HMCN2: variants seen among roughly 807,000 people sequenced by gnomAD.
HMCN2 encodes the protein hemicentin 2.
In HMCN2, 325 loss-of-function variants were observed where a neutral mutation model predicts 377.5. The ratio of observed to expected loss-of-function variants is 0.86; its 90% confidence interval spans 0.79 to 0.94. The LOEUF (loss-of-function observed/expected upper bound fraction) is 0.94, where lower values mean the gene tolerates loss of function less well. Among genes scored for constraint, HMCN2 ranks in the 40% least tolerant of loss-of-function variants. The pLI, the probability that HMCN2 is intolerant of heterozygous loss-of-function variation, is 0.00. For synonymous variants in HMCN2, 2,007 were observed against 2,046.8 expected, an observed-to-expected ratio of 0.98 and a Z score of 0.53; for missense variants, 4,543 against 4,725.3, an observed-to-expected ratio of 0.96 and a Z score of 1.13.
Position 130,414,972 on chromosome 9 carries a change from C to T in HMCN2, c.12962-3800C>T, listed in dbSNP as rs1197389313. Among the ~76,000 whole-genome samples, 5 of 152,072 alleles carry T rather than the reference C, an allele frequency of 3.3e-5. No homozygotes were observed. The South Asian group carries it at 1.0e-3, about 32-fold the overall frequency. Reference sequence around the variant, plus strand: ...TGGGAAGCCCCTCGCCTACACAGGCCGAGTGGGGAGCAATAAGCAGTGCCC... The same window carrying T: ...TGGGAAGCCCCTCGCCTACACAGGCTGAGTGGGGAGCAATAAGCAGTGCCC... On this transcript the variant is annotated intron_variant, in intron 85 of 97. Transcript: ENST00000683500. This position sits in a 1 kb window ranked among gnomAD's most constrained non-coding sequence, Gnocchi z 4.4.
Position 130,325,804 on chromosome 9 carries a change from G to A in HMCN2, c.3034-7G>A, listed in dbSNP as rs1454627912. On this transcript the variant is annotated splice_polypyrimidine_tract_variant and splice_region_variant and intron_variant, in intron 20 of 97. Transcript: ENST00000683500. ...CTTCGCCGATGTCACCTGTGCCTCT[G>A]CCCTAGGAAACCAATGCCCTGACCT... 1 of 152,302 alleles carries A rather than the reference G, an allele frequency of 6.6e-6. No homozygotes were observed. Among genetic ancestry groups the A allele is most frequent in the Non-Finnish European group, 1.5e-5 (1 of 68,104 alleles). 9.4% of individuals were successfully genotyped at this position (152,302 alleles called of 1,614,324 possible).
rs142527642 is a variant in HMCN2, at chr9:130,297,412, G to A, written c.1012+618G>A. On this transcript the variant is annotated intron_variant, in intron 7 of 97. Transcript: ENST00000683500. ...TATGGTTCTGCTGGGAGAAGCCTGG[G>A]CACCGAGGCAGGTTTCTGGTGCGGG... is the stretch of plus-strand genomic sequence containing the variant. Among the ~76,000 whole-genome samples, 87 of 152,340 alleles carry A rather than the reference G, an allele frequency of 5.7e-4. 1 individual carries two copies. Among genetic ancestry groups the A allele is most frequent in the African/African-American group, 1.9e-3 (80 of 41,588 alleles).
At position 130,424,852 on chromosome 9, in the gene HMCN2, G is replaced by C; in HGVS notation, c.13458G>C (p.Leu4486=). 1 of 1,489,676 alleles carries C rather than the reference G, an allele frequency of 6.7e-7. No individual in the cohort carries two copies. Among genetic ancestry groups the C allele is most frequent in the African/African-American group, 1.4e-5 (1 of 71,246 alleles). 92.3% of individuals were successfully genotyped at this position (1,489,676 alleles called of 1,614,324 possible). A position where few individuals can be genotyped will look rare whatever the true frequency, so the allele number is the denominator to read the frequency against. The change falls in exon 88 of 98, where the codon CTG becomes CTC. Residue 4486 remains leucine, a synonymous_variant. Transcript: ENST00000683500. ...WALARESGEA[L]NGHSLTGGRF... is the part of the protein sequence containing the mutation. Reference sequence around the variant, plus strand: ...TGGCCAGAGAGAGTGGGGAAGCCCTGAATGGCCACTCTCTGACTGGGGGCA... The same window carrying C: ...TGGCCAGAGAGAGTGGGGAAGCCCTCAATGGCCACTCTCTGACTGGGGGCA...
intron 1 of HMCN2, 121 bp from the exon 2 acceptor site, chr9:130,284,482 G>A (rs555907337): frequency 2.3e-4 from 98 of 424,284 alleles, no homozygotes; most frequent in African/African-American, 1.3e-3. Flanking sequence ...ATCTCTCCCC[G>A]TCTTGTGTGC....
Position 130,398,726 on chromosome 9 carries a change from C to G in HMCN2, c.11483+19C>G. The stretch of plus-strand genomic sequence containing the variant: ...CCTACCGGTAACGAGCTGGACTTTG[C>G]GGTGGCTTCCTGAGACGCACAGGGC... On this transcript the variant is annotated intron_variant, in intron 75 of 97. Transcript: ENST00000683500. 1 of 1,285,884 alleles carries G rather than the reference C, an allele frequency of 7.8e-7. No homozygotes were observed. Among genetic ancestry groups the G allele is most frequent in the South Asian group, 1.2e-5 (1 of 80,666 alleles). The allele number at this position is 1,285,884 out of a possible 1,614,324, so 79.7% of individuals were successfully genotyped here.
chr9:130,426,565 G>A (rs1177794177), intron 90 of HMCN2, among the ~76,000 whole-genome samples: 1 of 152,064 alleles, frequency 6.6e-6, no homozygotes, highest in Non-Finnish European at 1.5e-5. Flanking sequence ...GCAGGGTGTC[G>A]CCGTACAGAT....
intron 22 of HMCN2, among the ~76,000 whole-genome samples, chr9:130,334,738 CTT>C (rs1838634280): frequency 5.0e-4 from 68 of 136,184 alleles, no homozygotes; most frequent in African/African-American, 1.8e-3. Flanking sequence ...CTTTCTCTCT[CTT>C]TCTCTTTCTC....
chr9:130,266,183 C>T (rs1358097216), intron 1 of HMCN2, 46 bp downstream of exon 1: 6 of 435,572 alleles, frequency 1.4e-5, no homozygotes, highest in Non-Finnish European at 2.7e-5. Context: ...CTTCGAGGTG[C>T]TCTCACCTGC....
In HMCN2 at chr9:130,414,261, G is replaced by A. The variant is rs13297323; in HGVS notation, c.12961+3609G>A. ...CCCCGTGTGGCCAGGTGGGCAGCGA[G>A]GGTAGTGCCAGCAGAGGCCCGGTGT... On this transcript the variant is annotated intron_variant, in intron 85 of 97. Transcript: ENST00000683500. The surrounding 1 kb of genome is among the most constrained non-coding windows in gnomAD (Gnocchi z 4.4). Among the ~76,000 whole-genome samples the A allele has an allele frequency of 2.3e-3, 355 of 152,254 alleles. 1 individual carries two copies. The highest frequency in any genetic ancestry group is 4.0e-3 in the Non-Finnish European group (273 of 68,024).
intron 95 of HMCN2, 81 bp from the exon 96 acceptor site, chr9:130,431,286 G>A: frequency 7.2e-7 from 1 of 1,382,022 alleles, no homozygotes; most frequent in Non-Finnish European, 9.9e-7. Flanking sequence ...GCGGGCAGGT[G>A]TGTGGCCACG....
At chr9:130,331,793 A>C (rs1042487868) in intron 22 of HMCN2, among the ~76,000 whole-genome samples, 1 of 151,954 alleles carries the variant, frequency 6.6e-6, no homozygotes, top group Non-Finnish European at 1.5e-5. Context: ...GGCTGTGAGC[A>C]CTCCTGGCTC....
chr9:130,423,414 G>A lies in HMCN2; in HGVS notation c.13381+688G>A, dbSNP rs1457013518. On this transcript the variant is annotated intron_variant, in intron 87 of 97. Transcript: ENST00000683500. The surrounding 1 kb of genome is among the most constrained non-coding windows in gnomAD (Gnocchi z 5.5). ...GTCCCGCATGAGCAGTGTGGGGTCA[G>A]GGGATTTTGCTGGGGAAGTCACTCT... Among the ~76,000 whole-genome samples the A allele has an allele frequency of 6.6e-6, 1 of 152,224 alleles. No individual in the cohort carries two copies. Among genetic ancestry groups the A allele is most frequent in the Admixed American group, 6.5e-5 (1 of 15,286 alleles).
At chr9:130,326,449 A>T (rs1213356496) in intron 21 of HMCN2, among the ~76,000 whole-genome samples, 1 of 152,040 alleles carries the variant, frequency 6.6e-6, no homozygotes, top group Non-Finnish European at 1.5e-5. Flanking sequence ...ATGGGGCGGG[A>T]CCTGTCTCCT....
rs1412338599 is a variant in HMCN2, at chr9:130,266,149, G to A, written c.259+12G>A. The A allele has an allele frequency of 4.6e-5, 21 of 460,910 alleles. No homozygotes were observed. The Admixed American group carries it at 4.7e-4, about 10-fold the overall frequency. 28.6% of individuals were successfully genotyped at this position (460,910 alleles called of 1,614,324 possible). On this transcript the variant is annotated intron_variant, in intron 1 of 97. Transcript: ENST00000683500. ...CTTCCACGACCCAGGTAGCGCCCCCGCACCCCCGCCCGCCGGGCGCCCCCT... is the reference window on the plus strand; with the variant it reads ...CTTCCACGACCCAGGTAGCGCCCCCACACCCCCGCCCGCCGGGCGCCCCCT...
At position 130,391,546 on chromosome 9, in the gene HMCN2, C is replaced by T. The variant is rs912718851; in HGVS notation, c.9924C>T (p.Asp3308=). 2.6e-5 allele frequency: 26 copies of T among 987,440 alleles called. No homozygotes were observed. The highest frequency in any genetic ancestry group is 2.3e-4 in the South Asian group (5 of 21,372). 61.2% of individuals were successfully genotyped at this position (987,440 alleles called of 1,614,324 possible). The change falls in exon 65 of 98, where the codon GAC becomes GAT. Residue 3308 remains aspartate (D), a synonymous_variant. Coordinates refer to ENST00000683500, the MANE Select transcript of HMCN2 (RefSeq NM_001291815.2). ...TCVAHNPAGE[D]ARLHTVNVLV... is the part of the protein sequence containing the mutation. ...TGGCCCACAACCCAGCCGGGGAGGA[C>T]GCCAGGCTGCACACGGTGAATGTGC...
At chr9:130,315,200 T>TCCCTCCCCTCCCTC (rs1837477644) in intron 15 of HMCN2, among the ~76,000 whole-genome samples, 2 of 1,258 alleles carry the variant, frequency 1.6e-3, no homozygotes, top group Admixed American at 0.019. Context: ...CTCCCTCCCC[T>TCCCTCCCCTCCCTC]CCCTCCCCTC....
rs992258449 is a variant in HMCN2 at position 130,407,615 on chromosome 9, G to T, written c.12598G>T (p.Ala4200Ser). The change falls in exon 83 of 98, where the codon GCT becomes TCT. Residue 4200 changes from alanine (A) to serine (S), a missense_variant. Around this residue, in one of 5 missense-constraint regions of HMCN2, gnomAD observed 1,073 missense variants for 1,319.5 expected, o/e 0.81. Transcript: ENST00000683500. ...QDGGSTLQRA[A>S]VSREDSGTYV... ...TGGAGGCAGCACGCTGCAGCGGGCC[G>T]CTGTCTCCAGAGAAGACAGCGGGAC... 3 of 1,288,700 alleles carry T rather than the reference G, an allele frequency of 2.3e-6. No homozygotes were observed. The highest frequency in any genetic ancestry group is 3.0e-6 in the Non-Finnish European group (3 of 988,362). 79.8% of individuals were successfully genotyped at this position (1,288,700 alleles called of 1,614,324 possible).
At position 130,365,638 on chromosome 9, in the gene HMCN2, G is replaced by T; in HGVS notation, c.6416G>T (p.Arg2139Ile). 1.0e-6 allele frequency: 1 copy of T among 986,038 alleles called. No homozygotes were observed. The highest frequency in any genetic ancestry group is 1.2e-6 in the Non-Finnish European group (1 of 830,046). 61.1% of individuals were successfully genotyped at this position (986,038 alleles called of 1,614,324 possible). The change falls in exon 42 of 98, where the codon AGA becomes ATA. Residue 2139 changes from arginine to isoleucine, a missense_variant. Around this residue, in one of 5 missense-constraint regions of HMCN2, gnomAD observed 1,032 missense variants for 1,285.1 expected, o/e 0.80. Coordinates refer to ENST00000683500, the MANE Select transcript of HMCN2 (RefSeq NM_001291815.2). ...GTCTTTGCTCTCTGCCAGGTGGACA[G>T]AGCCGATGTGTGGGATGCGGGCCAT... ...SADKALLQVD[R>I]ADVWDAGHYT...
intron 1 of HMCN2, among the ~76,000 whole-genome samples, chr9:130,267,439 C>A (rs1376593119): frequency 1.1e-4 from 3 of 26,816 alleles, no homozygotes; most frequent in Non-Finnish European, 2.6e-4. Flanking sequence ...AAATAAAACA[C>A]ACACACACAC....
Sources: gnomAD v4.1 joint callset for allele counts (sites outside exome capture counted in the v4.1 genomes callset) on GRCh38, gnomAD v4.1.1 for gene constraint, gnomAD v4.1.1 regional missense constraint, Gnocchi (gnomAD v3.1) non-coding constraint, MANE v1.5 for transcripts, NCBI Gene and HGNC (gene_info 2026-07-23, HGNC 2026-07-21) for gene names.